Variants in KCNH8 observed in about 807,000 individuals in gnomAD.
KCNH8 encodes potassium voltage-gated channel subfamily H member 8, also known as voltage-gated delayed rectifier potassium channel KCNH8.
Under a neutral mutation model 103.6 loss-of-function variants are expected in KCNH8, and 70 were observed. That is an observed-to-expected ratio of 0.68 (90% CI 0.56 to 0.82). KCNH8 has a LOEUF of 0.82. KCNH8 is among the 40% of genes least tolerant of loss of function. The pLI is 0.00. For missense variants in KCNH8, 1,217 were observed against 1,329.9 expected (o/e 0.92, Z 1.32); for synonymous variants, 498 against 489.4 (o/e 1.02, Z -0.23).
rs754087044 is a variant in KCNH8, at chr3:19,347,978, A to G, written c.811+13A>G. 8 of 1,609,154 alleles carry G rather than the reference A, an allele frequency of 5.0e-6. No individual in the cohort carries two copies. In the African/African-American group the frequency reaches 9.4e-5, roughly 19 times the overall value. Reference sequence around the variant, plus strand: ...CTTTTTATTATAGGTAAGAACAAACAGCTGCTTTCCTACGATATTTGCATA... The same window carrying G: ...CTTTTTATTATAGGTAAGAACAAACGGCTGCTTTCCTACGATATTTGCATA... On this transcript the variant is annotated intron_variant, in intron 5 of 15. Coordinates refer to ENST00000328405, the MANE Select transcript of KCNH8 (RefSeq NM_144633.3).
At chr3:19,445,959 G>A (rs2067356570) in intron 8 of KCNH8, among the ~76,000 whole-genome samples, 2 of 152,024 alleles carry the variant, frequency 1.3e-5, no homozygotes, top group African/African-American at 4.8e-5. Context: ...TTTAATAATG[G>A]AAATAGGTAC....
intron 1 of KCNH8, among the ~76,000 whole-genome samples, chr3:19,193,940 A>T (rs1048457343): frequency 2.0e-5 from 3 of 151,756 alleles, no homozygotes; most frequent in African/African-American, 7.2e-5. Context: ...ATAAGTTGCT[A>T]TTATTGTGAA....
At chr3:19,365,753 G>C (rs2066003297) in intron 5 of KCNH8, among the ~76,000 whole-genome samples, 1 of 152,002 alleles carries the variant, frequency 6.6e-6, no homozygotes, top group South Asian at 2.1e-4. Flanking sequence ...AATTTAAATG[G>C]CATGCTTGAT....
intron 6 of KCNH8, among the ~76,000 whole-genome samples, chr3:19,393,108 G>T (rs941876274): frequency 6.6e-6 from 1 of 151,886 alleles, no homozygotes; most frequent in Admixed American, 6.6e-5. Context: ...TTTTATAGGG[G>T]GGTTTGATGA....
At chr3:19,358,134 A>G (rs545004975) in intron 5 of KCNH8, among the ~76,000 whole-genome samples, 3 of 151,734 alleles carry the variant, frequency 2.0e-5, no homozygotes, top group East Asian at 1.9e-4. Flanking sequence ...AGAAAAAAAT[A>G]CTGGCCGGCC....
chr3:19,294,314 G>T (rs1010776437), intron 3 of KCNH8, among the ~76,000 whole-genome samples: 2 of 152,174 alleles, frequency 1.3e-5, no homozygotes, highest in African/African-American at 4.8e-5. Context: ...TGATTGATAT[G>T]TACTTCGAAT....
intron 11 of KCNH8, among the ~76,000 whole-genome samples, chr3:19,492,534 G>A (rs1432410489): frequency 6.6e-6 from 1 of 152,158 alleles, no homozygotes; most frequent in Non-Finnish European, 1.5e-5. Context: ...TGGTCTGTGT[G>A]TCTGTTTTTG....
At position 19,419,200 on chromosome 3, in the gene KCNH8, T is replaced by TTG. The variant is rs1406162406; in HGVS notation, c.1178-18963_1178-18962insGT. Among the ~76,000 whole-genome samples the TTG allele has an allele frequency of 5.7e-3, 760 of 133,970 alleles. 21 individuals are homozygous for TTG. Among genetic ancestry groups the TTG allele is most frequent in the African/African-American group, 0.02 (664 of 33,146 alleles). 87.9% of individuals were successfully genotyped at this position (133,970 alleles called of 152,430 possible). A position where few individuals can be genotyped will look rare whatever the true frequency, so the allele number is the denominator to read the frequency against. The stretch of plus-strand genomic sequence containing the variant: ...AAGTAATTAAAATGGTTTTGGTTTT[T>TTG]TTTTTTTTTTTTTTTTTGAGACGGA... On this transcript the variant is annotated intron_variant, in intron 7 of 15. Transcript: ENST00000328405.
At chr3:19,291,908 A>G (rs78557982) in intron 3 of KCNH8, among the ~76,000 whole-genome samples, 10,131 of 152,234 alleles carry the variant, frequency 0.067, 1,147 homozygotes, top group African/African-American at 0.23. Flanking sequence ...TGCCTTAAAC[A>G]TAATAGAAAC....
intron 1 of KCNH8, among the ~76,000 whole-genome samples, chr3:19,156,729 G>A (rs1323811670): frequency 6.6e-6 from 1 of 152,048 alleles, no homozygotes; most frequent in South Asian, 2.1e-4. Flanking sequence ...ATCTGTCTGT[G>A]AAGATATTCT....
At chr3:19,418,746 G>A (rs2066899624) in intron 7 of KCNH8, among the ~76,000 whole-genome samples, 1 of 152,180 alleles carries the variant, frequency 6.6e-6, no homozygotes. Flanking sequence ...TAATAATTTA[G>A]AAAGTTTAAT....
intron 13 of KCNH8, among the ~76,000 whole-genome samples, chr3:19,513,840 T>C (rs2068828766): frequency 6.6e-6 from 1 of 152,174 alleles, no homozygotes; most frequent in Non-Finnish European, 1.5e-5. Flanking sequence ...GTTCCATTTT[T>C]CATTTCTTAA....
chr3:19,514,173 T>C (rs1366710233), intron 13 of KCNH8, among the ~76,000 whole-genome samples: 2 of 152,094 alleles, frequency 1.3e-5, no homozygotes, highest in Non-Finnish European at 2.9e-5. Context: ...TATTAAGTAT[T>C]GAAAGGTGGA....
rs191609067 is a variant in KCNH8 at position 19,314,499 on chromosome 3, C to A, written c.443-28088C>A. On this transcript the variant is annotated intron_variant, in intron 3 of 15. Transcript: ENST00000328405. ...GCAGTAGGATCACTTGAGCCCAGAACGTTGATGCTACAATGAGCCATGGTC... is the reference window on the plus strand; with the variant it reads ...GCAGTAGGATCACTTGAGCCCAGAAAGTTGATGCTACAATGAGCCATGGTC... Among the ~76,000 whole-genome samples the A allele has an allele frequency of 9.2e-5, 14 of 151,978 alleles. No individual in the cohort carries two copies. In the East Asian group the frequency reaches 2.7e-3, roughly 30 times the overall value.
intron 1 of KCNH8, among the ~76,000 whole-genome samples, chr3:19,158,858 A>C (rs2063206369): frequency 6.6e-6 from 1 of 151,898 alleles, no homozygotes. Flanking sequence ...AAATAATAAA[A>C]ATTTTGCCTT....
intron 7 of KCNH8, among the ~76,000 whole-genome samples, chr3:19,409,678 C>A (rs1363441418): frequency 1.3e-5 from 2 of 152,042 alleles, no homozygotes; most frequent in Non-Finnish European, 2.9e-5. Flanking sequence ...ATATACCATG[C>A]AAACAGAAAA....
chr3:19,225,253 A>T (rs1472352040), intron 1 of KCNH8, among the ~76,000 whole-genome samples: 2 of 151,804 alleles, frequency 1.3e-5, no homozygotes, highest in East Asian at 4.0e-4. Context: ...GAACTCTATT[A>T]TGGAAGGGTC....
At chr3:19,320,056 T>C (rs945002928) in intron 3 of KCNH8, among the ~76,000 whole-genome samples, 1 of 152,030 alleles carries the variant, frequency 6.6e-6, no homozygotes, top group Non-Finnish European at 1.5e-5. Context: ...GGGAGTTTTT[T>C]GGATGAATCT....
intron 1 of KCNH8, among the ~76,000 whole-genome samples, chr3:19,214,083 T>C (rs936235453): frequency 4.6e-5 from 7 of 152,294 alleles, no homozygotes; most frequent in Admixed American, 2.6e-4. Context: ...CTCAGCACTC[T>C]AGAGGGTGAT....
Sources: allele counts gnomAD v4.1 joint callset (sites outside exome capture counted in the v4.1 genomes callset), GRCh38; gene constraint gnomAD v4.1.1; transcripts MANE v1.5; gene names NCBI Gene and HGNC (gene_info 2026-07-23, HGNC 2026-07-21).